The following SLC35E4 variants were observed in gnomAD, a reference collection of about 807,000 sequenced individuals.
SLC35E4 encodes solute carrier family 35 member E4, also known as solute carrier family 35, member E4.
SLC35E4 carries 15 observed loss-of-function variants against 19.3 expected under a neutral mutation model. The observed-to-expected ratio is 0.78, with a 90% CI of 0.52 to 1.20. SLC35E4 has a LOEUF of 1.20. SLC35E4 is among the 50% of genes most tolerant of loss of function. The pLI is 0.00. For missense variants in SLC35E4, 406 were observed against 472.3 expected (o/e 0.86, Z 1.30); for synonymous variants, 219 against 219.9 (o/e 1.00, Z 0.04).
chr22:30,651,399 G>GTATATATA (rs1427700463), downstream of SLC35E4, among the ~76,000 whole-genome samples: 12 of 61,332 alleles, frequency 2.0e-4, no homozygotes, highest in African/African-American at 1.2e-3. Flanking sequence ...GTGTGTGTGT[G>GTATATATA]TATATATATA....
intron 1 of SLC35E4, among the ~76,000 whole-genome samples, chr22:30,639,525 T>C (rs985258050): frequency 4.6e-5 from 7 of 152,182 alleles, no homozygotes; most frequent in Non-Finnish European, 1.0e-4. Context: ...GGGAGCGCTA[T>C]GGGAGACTGG....
At chr22:30,652,545 AAT>A (rs1247780279), downstream of SLC35E4, among the ~76,000 whole-genome samples, 4 of 152,252 alleles carry the variant, frequency 2.6e-5, no homozygotes, top group Admixed American at 6.5e-5. Flanking sequence ...CCCAGGAATG[AAT>A]AAAGACAACT....
At chr22:30,661,884 C>T (rs1160397904) in intron 2 of SLC35E4, 1 of 152,160 alleles carries the variant, frequency 6.6e-6, no homozygotes. Context: ...AGGCTGCAGT[C>T]ACTGTTTAGA....
In SLC35E4 at chr22:30,642,165, A is replaced by G. The variant is rs555983292; in HGVS notation, c.620-4433A>G. 1.3e-4 allele frequency among the ~76,000 whole-genome samples: 19 copies of G among 151,422 alleles called. No homozygotes were observed. The East Asian group carries it at 3.4e-3, about 27-fold the overall frequency. ...TAGCTAGGACTATAGGCGTGCCTCC[A>G]TGCCCAGCTAATTTTTGTATTTTTT... On this transcript the variant is annotated intron_variant, in intron 1 of 1. Coordinates refer to ENST00000343605, the MANE Select transcript of SLC35E4 (RefSeq NM_001001479.4).
chr22:30,664,047 CT>C, downstream of SLC35E4: 1 of 1,528,712 alleles, frequency 6.5e-7, no homozygotes, highest in Non-Finnish European at 8.9e-7. Context: ...AGCACGAAGG[CT>C]GCGTCTTTCT....
chr22:30,663,665 G>A (rs144452811), downstream of SLC35E4: 15 of 1,614,104 alleles, frequency 9.3e-6, no homozygotes, highest in African/African-American at 1.9e-4. Context: ...CGAGGCACAG[G>A]GCAGCTGAGC....
intron 1 of SLC35E4, among the ~76,000 whole-genome samples, chr22:30,639,979 T>G (rs1370985884): frequency 7.8e-6 from 1 of 129,016 alleles, no homozygotes; most frequent in Non-Finnish European, 1.8e-5. Flanking sequence ...CCATGAAATC[T>G]TCACAATTTA....
chr22:30,665,789 G>C (rs756421027), downstream of SLC35E4, among the ~76,000 whole-genome samples: 21 of 152,308 alleles, frequency 1.4e-4, no homozygotes, highest in Non-Finnish European at 2.5e-4. Context: ...ACCAACTAGT[G>C]CCAAGCGCTG....
chr22:30,656,124 C>T (rs1280461650), intron 2 of SLC35E4, among the ~76,000 whole-genome samples: 1 of 151,828 alleles, frequency 6.6e-6, no homozygotes, highest in African/African-American at 2.4e-5. Flanking sequence ...CAGGTGTGCA[C>T]CACCATGCTG....
chr22:30,666,973 G>C (rs1367836318), downstream of SLC35E4: 1 of 152,186 alleles, frequency 6.6e-6, no homozygotes, highest in African/African-American at 2.4e-5. Context: ...ATTTCTTCCA[G>C]GTCGGAGCCT....
At chr22:30,641,557 T>A (rs188337669) in intron 1 of SLC35E4, among the ~76,000 whole-genome samples, 83 of 151,604 alleles carry the variant, frequency 5.5e-4, no homozygotes, top group African/African-American at 1.3e-3. Context: ...TTTTATTATT[T>A]TTTTTTTTGA....
intron 1 of SLC35E4, among the ~76,000 whole-genome samples, chr22:30,644,865 C>T (rs1172125168): frequency 6.6e-6 from 1 of 152,128 alleles, no homozygotes; most frequent in Non-Finnish European, 1.5e-5. Flanking sequence ...CACGTAGGTA[C>T]ACACAGATAC....
intron 2 of SLC35E4, chr22:30,654,231 G>A (rs1304864764): frequency 1.7e-5 from 6 of 361,284 alleles, no homozygotes; most frequent in African/African-American, 4.3e-5. Flanking sequence ...TGATCTGCCC[G>A]CCTCCGCCTC....
At chr22:30,639,816 A>G (rs1234320407) in intron 1 of SLC35E4, among the ~76,000 whole-genome samples, 1 of 152,192 alleles carries the variant, frequency 6.6e-6, no homozygotes, top group Non-Finnish European at 1.5e-5. Flanking sequence ...TATTGTTCAA[A>G]CACACATGCT....
downstream of SLC35E4, chr22:30,667,987 G>T (rs1360926204): frequency 1.4e-4 from 22 of 153,634 alleles, no homozygotes; most frequent in African/African-American, 4.8e-4. Context: ...GTCTGCGCGC[G>T]TCCAACGAGC....
chr22:30,664,109 G>C, downstream of SLC35E4: 2 of 1,116,420 alleles, frequency 1.8e-6, no homozygotes, highest in Non-Finnish European at 2.6e-6. Flanking sequence ...TGTTTAGAGG[G>C]CAGGTGCCCA....
At position 30,636,599 on chromosome 22, in the gene SLC35E4, C is replaced by G; in HGVS notation, c.149C>G (p.Ala50Gly). ...CGGCAGCCTGGCCGGGCCCGAGTGG[C>G]CATGGCAGCACTGGTGTGGCTGCTG... Reference protein sequence around the residue: ...ALRQPGRARVAMAALVWLLAG... With the variant: ...ALRQPGRARVGMAALVWLLAG... Residue 50 changes from alanine (A) to glycine (G), a missense_variant, in exon 1 of 2, where the codon GCC (alanine) becomes GGC (glycine). By Grantham distance (60) the Ala-to-Gly change is moderately conservative. Coordinates refer to ENST00000343605, the MANE Select transcript of SLC35E4 (RefSeq NM_001001479.4). The G allele has an allele frequency of 6.2e-7, 1 of 1,607,706 alleles. No homozygotes were observed. The highest frequency in any genetic ancestry group is 1.1e-5 in the South Asian group (1 of 90,480).
At chr22:30,639,751 C>G (rs533221394) in intron 1 of SLC35E4, among the ~76,000 whole-genome samples, 1 of 152,340 alleles carries the variant, frequency 6.6e-6, no homozygotes, top group Non-Finnish European at 1.5e-5. Context: ...AAGATTATCT[C>G]TCTTGTTCCC....
chr22:30,646,309 C>T (rs2145582351), intron 1 of SLC35E4, among the ~76,000 whole-genome samples: 1 of 152,248 alleles, frequency 6.6e-6, no homozygotes, highest in East Asian at 1.9e-4. Flanking sequence ...TTTACAACAA[C>T]CCGTGATTAG....
Sources: allele counts gnomAD v4.1 joint callset (sites outside exome capture counted in the v4.1 genomes callset), GRCh38; gene constraint gnomAD v4.1.1; transcripts MANE v1.5; gene names NCBI Gene and HGNC (gene_info 2026-07-23, HGNC 2026-07-21).